ADCY2: variants seen among roughly 807,000 people sequenced by gnomAD.
The protein encoded by ADCY2 is adenylate cyclase 2.
A neutral mutation model predicts 125.2 loss-of-function variants in ADCY2; 31 were observed. The ratio of observed to expected loss-of-function variants is 0.25; its 90% CI spans 0.19 to 0.33. The LOEUF is 0.33. Ranked by LOEUF, ADCY2 falls within the 10% of genes least tolerant of loss-of-function variation. The pLI is 1.00. For missense variants in ADCY2, 904 were observed against 1,418.2 expected (o/e 0.64, Z 5.82); for synonymous variants, 512 against 548.4 (o/e 0.93, Z 0.93).
intron 3 of ADCY2, among the ~76,000 whole-genome samples, chr5:7,581,110 G>C (rs1217390264): frequency 2.6e-5 from 4 of 152,206 alleles, no homozygotes; most frequent in Admixed American, 2.0e-4. Flanking sequence ...TGGAAAGTTG[G>C]ATTGCCAGGA....
chr5:7,562,835 A>T (rs1735752395), intron 3 of ADCY2, among the ~76,000 whole-genome samples: 2 of 152,228 alleles, frequency 1.3e-5, no homozygotes, highest in Admixed American at 1.3e-4. Flanking sequence ...GGACTCCATT[A>T]ATAAGTCATC....
At chr5:7,505,706 A>G (rs914742931) in intron 2 of ADCY2, among the ~76,000 whole-genome samples, 3 of 152,214 alleles carry the variant, frequency 2.0e-5, no homozygotes, top group African/African-American at 7.2e-5. Context: ...TTATTGTGGT[A>G]AGAGCCCATT....
chr5:7,781,016 G>T (rs561521342), intron 18 of ADCY2, among the ~76,000 whole-genome samples: 1 of 152,230 alleles, frequency 6.6e-6, no homozygotes, highest in Non-Finnish European at 1.5e-5. Flanking sequence ...AAGAAAGGAA[G>T]TGTGTTCCAT....
intron 24 of ADCY2, among the ~76,000 whole-genome samples, chr5:7,825,671 A>G (rs942427449): frequency 6.6e-6 from 1 of 152,240 alleles, no homozygotes; most frequent in African/African-American, 2.4e-5. Context: ...GGTAGCCAAC[A>G]GAGGGGTCTT....
chr5:7,437,565 G>A (rs1009639622), intron 2 of ADCY2, among the ~76,000 whole-genome samples: 1 of 152,254 alleles, frequency 6.6e-6, no homozygotes, highest in Non-Finnish European at 1.5e-5. Context: ...AGCTCAGAGG[G>A]ATGTGGGAGA....
chr5:7,458,858 G>A (rs772558874), intron 2 of ADCY2, among the ~76,000 whole-genome samples: 1 of 152,192 alleles, frequency 6.6e-6, no homozygotes, highest in Non-Finnish European at 1.5e-5. Context: ...TCTGATTGAA[G>A]TAATGGCACG....
chr5:7,437,804 A>G (rs1429025393), intron 2 of ADCY2, among the ~76,000 whole-genome samples: 3 of 152,240 alleles, frequency 2.0e-5, no homozygotes. Context: ...TTTCTTGTGC[A>G]AAATTTATGT....
intron 3 of ADCY2, among the ~76,000 whole-genome samples, chr5:7,602,359 A>G (rs967690373): frequency 6.6e-6 from 1 of 152,140 alleles, no homozygotes; most frequent in African/African-American, 2.4e-5. Context: ...GAGGGAAAGA[A>G]TGTGTCTTCT....
intron 2 of ADCY2, among the ~76,000 whole-genome samples, chr5:7,474,959 G>A (rs1048536883): frequency 6.6e-6 from 1 of 152,212 alleles, no homozygotes; most frequent in African/African-American, 2.4e-5. Flanking sequence ...AGTGGGGAAG[G>A]GTATCCCTGG....
intron 2 of ADCY2, among the ~76,000 whole-genome samples, chr5:7,494,670 G>C (rs758084382): frequency 1.3e-5 from 2 of 152,130 alleles, no homozygotes; most frequent in African/African-American, 4.8e-5. Flanking sequence ...TAGTGGTTAC[G>C]GAGGCAGAGA....
At chr5:7,610,325 G>T (rs1464277388) in intron 3 of ADCY2, among the ~76,000 whole-genome samples, 2 of 152,276 alleles carry the variant, frequency 1.3e-5, no homozygotes, top group Admixed American at 1.3e-4. Flanking sequence ...TGACTCCAGG[G>T]TGCATGATGC....
intron 3 of ADCY2, among the ~76,000 whole-genome samples, chr5:7,599,683 T>A (rs1461798494): frequency 6.6e-6 from 1 of 152,018 alleles, no homozygotes; most frequent in Non-Finnish European, 1.5e-5. Flanking sequence ...TTAGATGAGA[T>A]CTTGTGAGAG....
At chr5:7,655,824 G>A (rs1035177369) in intron 4 of ADCY2, among the ~76,000 whole-genome samples, 2 of 152,142 alleles carry the variant, frequency 1.3e-5, no homozygotes, top group African/African-American at 4.8e-5. Context: ...TTGTGGGGAA[G>A]CAAAACAAAG....
chr5:7,533,817 T>G (rs1734728462), intron 3 of ADCY2, among the ~76,000 whole-genome samples: 1 of 152,238 alleles, frequency 6.6e-6, no homozygotes, highest in Non-Finnish European at 1.5e-5. Flanking sequence ...TTTGTCAATG[T>G]GTTCTTATCA....
intron 4 of ADCY2, among the ~76,000 whole-genome samples, chr5:7,668,146 A>G (rs1189459801): frequency 1.3e-5 from 2 of 152,248 alleles, no homozygotes; most frequent in Admixed American, 6.5e-5. Context: ...TGGGTAGGCC[A>G]TGGTACCCAG....
chr5:7,760,263 T>C (rs1743152685), intron 16 of ADCY2, among the ~76,000 whole-genome samples: 1 of 152,222 alleles, frequency 6.6e-6, no homozygotes, highest in Non-Finnish European at 1.5e-5. Context: ...GTCCTGCTCT[T>C]CCAAGATCCA....
intron 3 of ADCY2, among the ~76,000 whole-genome samples, chr5:7,568,079 G>T (rs1735961687): frequency 6.6e-6 from 1 of 152,032 alleles, no homozygotes; most frequent in Non-Finnish European, 1.5e-5. Context: ...AATAGTTTGT[G>T]ATCTGATTTT....
At chr5:7,693,483 A>C (rs1286199142) in intron 5 of ADCY2, among the ~76,000 whole-genome samples, 1 of 142,484 alleles carries the variant, frequency 7.0e-6, no homozygotes, top group Non-Finnish European at 1.5e-5. Context: ...CAATGGTGCA[A>C]TCTCGGCTCA....
intron 20 of ADCY2, among the ~76,000 whole-genome samples, chr5:7,793,043 G>T (rs998152706): frequency 2.6e-5 from 4 of 152,190 alleles, no homozygotes; most frequent in Non-Finnish European, 4.4e-5. Flanking sequence ...TTCCCCTGTG[G>T]CCCTGCTGTG....
Sources: allele counts gnomAD v4.1 joint callset (sites outside exome capture counted in the v4.1 genomes callset), GRCh38; gene constraint gnomAD v4.1.1; transcripts MANE v1.5; gene names NCBI Gene and HGNC (gene_info 2026-07-23, HGNC 2026-07-21).